The following HNF4G variants were observed in gnomAD, a reference collection of about 807,000 sequenced individuals.
HNF4G encodes hepatocyte nuclear factor 4-gamma.
In HNF4G, 21 loss-of-function variants were observed where a neutral mutation model predicts 50.9. The ratio of observed to expected loss-of-function variants is 0.41; its 90% confidence interval spans 0.29 to 0.59. The LOEUF (loss-of-function observed/expected upper bound fraction) is 0.59. HNF4G is among the 20% of genes least tolerant of loss of function. The pLI is 0.26. For missense variants in HNF4G, 527 were observed against 559.4 expected, an observed-to-expected ratio of 0.94 and a Z score of 0.58; for synonymous variants, 198 against 185.6, an observed-to-expected ratio of 1.07 and a Z score of -0.54.
chr8:75,556,855 G>T (rs1386734050), intron 6 of HNF4G, among the ~76,000 whole-genome samples: 1 of 152,232 alleles, frequency 6.6e-6, no homozygotes, highest in Middle Eastern at 3.4e-3. Flanking sequence ...CTATGTAAAT[G>T]CACTGGTCTA....
At chr8:75,502,429 G>A (rs1438512314) in intron 2 of HNF4G, among the ~76,000 whole-genome samples, 1 of 152,182 alleles carries the variant, frequency 6.6e-6, no homozygotes, top group East Asian at 1.9e-4. Context: ...CATATTTTAG[G>A]TAAATGTTAA....
At chr8:75,436,226 G>T (rs891825223) in intron 1 of HNF4G, among the ~76,000 whole-genome samples, 4 of 151,970 alleles carry the variant, frequency 2.6e-5, no homozygotes, top group Non-Finnish European at 5.9e-5. Context: ...TACTCAAATT[G>T]GTTTATGATT....
At chr8:75,553,758 T>C (rs528990903) in intron 5 of HNF4G, among the ~76,000 whole-genome samples, 1 of 152,212 alleles carries the variant, frequency 6.6e-6, no homozygotes, top group East Asian at 1.9e-4. Flanking sequence ...GAAAAACATC[T>C]GTAGAAACAT....
chr8:75,491,486 T>C (rs1283627902), intron 2 of HNF4G, among the ~76,000 whole-genome samples: 1 of 152,024 alleles, frequency 6.6e-6, no homozygotes, highest in East Asian at 1.9e-4. Context: ...CTTTCCTTTT[T>C]TTTTTTAAGA....
intron 2 of HNF4G, among the ~76,000 whole-genome samples, chr8:75,493,504 T>C (rs1325981687): frequency 6.6e-6 from 1 of 152,200 alleles, no homozygotes. Context: ...TTATCAATAC[T>C]TGGTATTGTA....
chr8:75,475,383 G>C (rs1217284297), intron 1 of HNF4G, among the ~76,000 whole-genome samples: 1 of 152,162 alleles, frequency 6.6e-6, no homozygotes, highest in Non-Finnish European at 1.5e-5. Context: ...CCCCTCTGTT[G>C]TTTATTAAAG....
chr8:75,514,354 CT>C (rs36078375), intron 2 of HNF4G, among the ~76,000 whole-genome samples: 83,306 of 124,786 alleles, frequency 0.67, 26,800 homozygotes, highest in African/African-American at 0.8. Context: ...TTTCTTCTTT[CT>C]TTTTTTTTTT....
chr8:75,434,849 T>C (rs1585839989), intron 1 of HNF4G, among the ~76,000 whole-genome samples: 1 of 152,278 alleles, frequency 6.6e-6, no homozygotes, highest in South Asian at 2.1e-4. Flanking sequence ...ATATAATTTC[T>C]CAAAAATAAC....
At chr8:75,555,715 C>G (rs1281457611) in intron 5 of HNF4G, among the ~76,000 whole-genome samples, 3 of 149,770 alleles carry the variant, frequency 2.0e-5, no homozygotes, top group Non-Finnish European at 4.4e-5. Context: ...CCCTTGCAAA[C>G]AGTTAACTTG....
intron 1 of HNF4G, among the ~76,000 whole-genome samples, chr8:75,488,321 T>G (rs1812540658): frequency 6.6e-6 from 1 of 152,190 alleles, no homozygotes; most frequent in African/African-American, 2.4e-5. Context: ...TTGCCCAGGG[T>G]GGAGTGCGGT....
chr8:75,505,942 G>C (rs2130715278), intron 2 of HNF4G, among the ~76,000 whole-genome samples: 1 of 151,950 alleles, frequency 6.6e-6, no homozygotes, highest in African/African-American at 2.4e-5. Flanking sequence ...TTTTAAATTA[G>C]AAATGACATC....
intron 2 of HNF4G, among the ~76,000 whole-genome samples, chr8:75,531,659 T>G (rs1056926236): frequency 6.6e-5 from 10 of 151,686 alleles, no homozygotes; most frequent in Admixed American, 6.6e-4. Context: ...GAAGATATTT[T>G]CAAAAATAAA....
intron 1 of HNF4G, among the ~76,000 whole-genome samples, chr8:75,448,447 G>A (rs1389901417): frequency 1.7e-5 from 2 of 114,534 alleles, no homozygotes; most frequent in African/African-American, 3.3e-5. Flanking sequence ...AAAAAAAAGT[G>A]TCAGACATGA....
At chr8:75,509,575 C>T (rs984446904) in intron 2 of HNF4G, among the ~76,000 whole-genome samples, 2 of 152,196 alleles carry the variant, frequency 1.3e-5, no homozygotes, top group Non-Finnish European at 2.9e-5. Context: ...ACTTTATCTT[C>T]TGTCTCTCAT....
At chr8:75,505,510 C>A (rs1038533198) in intron 2 of HNF4G, among the ~76,000 whole-genome samples, 1 of 152,056 alleles carries the variant, frequency 6.6e-6, no homozygotes, top group East Asian at 1.9e-4. Context: ...GACCTTAGAT[C>A]CAGAATGTTT....
At chr8:75,547,007 T>G (rs1806800844) in intron 2 of HNF4G, among the ~76,000 whole-genome samples, 2 of 152,148 alleles carry the variant, frequency 1.3e-5, no homozygotes, top group Non-Finnish European at 2.9e-5. Context: ...AGGGCTCCAA[T>G]TTTTCCACAT....
chr8:75,455,017 G>A (rs1023818324), intron 1 of HNF4G, among the ~76,000 whole-genome samples: 1 of 152,096 alleles, frequency 6.6e-6, no homozygotes, highest in Admixed American at 6.6e-5. Context: ...TAAAAATTAA[G>A]ATAAAGGTTT....
At chr8:75,545,334 A>G (rs886579882) in intron 2 of HNF4G, among the ~76,000 whole-genome samples, 2 of 151,734 alleles carry the variant, frequency 1.3e-5, no homozygotes, top group African/African-American at 2.4e-5. Context: ...CACAAAGGCT[A>G]TGAGGACTTC....
At chr8:75,449,754 C>T (rs202182049) in intron 1 of HNF4G, among the ~76,000 whole-genome samples, 2 of 151,844 alleles carry the variant, frequency 1.3e-5, no homozygotes, top group South Asian at 2.1e-4. Context: ...TGATCCGCCC[C>T]CCTTGGCCTC....
Sources: gnomAD v4.1 joint callset for allele counts (sites outside exome capture counted in the v4.1 genomes callset) on GRCh38, gnomAD v4.1.1 for gene constraint, MANE v1.5 for transcripts, NCBI Gene and HGNC (gene_info 2026-07-23, HGNC 2026-07-21) for gene names.